Variants in ARID4A observed in about 807,000 individuals in gnomAD.
ARID4A encodes AT-rich interaction domain 4A.
A neutral mutation model predicts 148.6 loss-of-function variants in ARID4A; 39 were observed. That is an observed-to-expected ratio of 0.26 (90% confidence interval 0.20 to 0.34). The LOEUF (loss-of-function observed/expected upper bound fraction) is 0.34. Ranked by LOEUF, ARID4A falls within the 10% of genes least tolerant of loss-of-function variation. The pLI is 1.00. For missense variants in ARID4A, 1,265 were observed against 1,449.1 expected (o/e 0.87, Z 2.06); for synonymous variants, 475 against 481.2 (o/e 0.99, Z 0.17).
chr14:58,347,764 G>A lies in ARID4A; in HGVS notation c.1290G>A (p.Glu430=). 2 of 1,613,656 alleles carry A rather than the reference G, an allele frequency of 1.2e-6. No homozygotes were observed. The highest frequency in any genetic ancestry group is 1.1e-5 in the South Asian group (1 of 91,074). The part of the protein sequence containing the change: ...EKKDLEESME[E]ALKLDQEMPL... ...AAGACTTAGAAGAATCAATGGAAGA[G>A]GCTCTCAAATTAGATCAAGAAATGC... Residue 430 remains glutamate, a synonymous_variant, in exon 15 of 24, where the codon GAG becomes GAA. Coordinates refer to ENST00000355431, the MANE Select transcript of ARID4A (RefSeq NM_002892.4).
At chr14:58,322,606 GTTAA>G (rs2032962854) in intron 7 of ARID4A, among the ~76,000 whole-genome samples, 2 of 152,076 alleles carry the variant, frequency 1.3e-5, no homozygotes, top group African/African-American at 4.8e-5. Context: ...TTTAATAAGA[GTTAA>G]TAGCTCTGCA....
chr14:58,316,565 T>A (rs2032426014), intron 5 of ARID4A, among the ~76,000 whole-genome samples: 1 of 152,064 alleles, frequency 6.6e-6, no homozygotes, highest in South Asian at 2.1e-4. Flanking sequence ...TTAAATATAG[T>A]CAAGTAGTAC....
In ARID4A at chr14:58,328,224, T is replaced by C. The variant is rs752808395; in HGVS notation, c.583-13T>C. 3 of 1,561,890 alleles carry C rather than the reference T, an allele frequency of 1.9e-6. No individual in the cohort carries two copies. Among genetic ancestry groups the C allele is most frequent in the Non-Finnish European group, 2.6e-6 (3 of 1,134,096 alleles). ...GGAAATAGGAATCAATCTGTTCTTA[T>C]TTTATATTTCAGGTAATATCTCCCA... On this transcript the variant is annotated splice_polypyrimidine_tract_variant and intron_variant, in intron 8 of 23. Transcript: ENST00000355431.
intron 5 of ARID4A, among the ~76,000 whole-genome samples, chr14:58,307,700 A>G (rs570552216): frequency 6.6e-6 from 1 of 152,304 alleles, no homozygotes; most frequent in East Asian, 1.9e-4. Flanking sequence ...GGCGTCTGTA[A>G]TCCCAGCTAC....
At chr14:58,357,410 T>C (rs1056820075) in intron 17 of ARID4A, among the ~76,000 whole-genome samples, 1 of 152,176 alleles carries the variant, frequency 6.6e-6, no homozygotes, top group Non-Finnish European at 1.5e-5. Context: ...ATGTCCTTAC[T>C]TTGTACATCT....
chr14:58,343,937 C>T (rs1037075246), intron 11 of ARID4A, among the ~76,000 whole-genome samples: 1 of 151,584 alleles, frequency 6.6e-6, no homozygotes, highest in Non-Finnish European at 1.5e-5. Context: ...TTTTGTTTTT[C>T]TCTAGTAGTG....
At chr14:58,323,369 GCTA>G in intron 7 of ARID4A, 113 bp from the exon 8 acceptor site, 1 of 1,163,676 alleles carries the variant, frequency 8.6e-7, no homozygotes, top group Non-Finnish European at 1.2e-6. Context: ...GAATGGAGAG[GCTA>G]CTACTTTAGG....
intron 12 of ARID4A, among the ~76,000 whole-genome samples, chr14:58,345,824 G>A (rs1438947196): frequency 1.4e-5 from 2 of 143,078 alleles, no homozygotes; most frequent in Non-Finnish European, 3.0e-5. Context: ...TCCACTTCCT[G>A]GGCTTAAGCA....
At chr14:58,321,928 T>C (rs772029095) in intron 7 of ARID4A, among the ~76,000 whole-genome samples, 1 of 150,508 alleles carries the variant, frequency 6.6e-6, no homozygotes, top group Admixed American at 6.7e-5. Context: ...AGATAATGTA[T>C]AGAATTTTCT....
intron 19 of ARID4A, 27 bp from the exon 20 acceptor site, chr14:58,364,143 A>C (rs764053519): frequency 2.4e-5 from 28 of 1,168,428 alleles, no homozygotes; most frequent in Non-Finnish European, 3.1e-5. Flanking sequence ...AAAAACCTGT[A>C]TAATATAATA....
At chr14:58,301,788 GA>G (rs1261830018) in intron 3 of ARID4A, 98 bp downstream of exon 3, 2 of 778,902 alleles carry the variant, frequency 2.6e-6, no homozygotes, top group Non-Finnish European at 4.0e-6. Flanking sequence ...GTCATTATAT[GA>G]AAACCCTTTA....
Position 58,366,220 on chromosome 14 carries a change from C to G in ARID4A, c.3513C>G (p.Ser1171Arg), listed in dbSNP as rs1183921170. ...PNSSPRTYKW[S>R]FQLNELDNMN... ...CATCCCCTAGGACATATAAATGGAG[C>G]TTTCAGCTCAGTAAGAAGCTTATAG... Residue 1171 changes from serine (S) to arginine (R), a missense_variant, in exon 22 of 24, where the codon AGC becomes AGG. Ser to Arg is a moderately radical substitution (Grantham distance 110). Coordinates refer to ENST00000355431, the MANE Select transcript of ARID4A (RefSeq NM_002892.4). 1 of 1,612,056 alleles carries G rather than the reference C, an allele frequency of 6.2e-7. No individual in the cohort carries two copies. Among genetic ancestry groups the G allele is most frequent in the East Asian group, 2.2e-5 (1 of 44,844 alleles).
chr14:58,365,385 G>A, intron 20 of ARID4A, 85 bp downstream of exon 20: 1 of 1,450,266 alleles, frequency 6.9e-7, no homozygotes, highest in Non-Finnish European at 9.2e-7. Context: ...GATCTGTAAA[G>A]TACTTTCTTT....
intron 23 of ARID4A, among the ~76,000 whole-genome samples, chr14:58,368,272 G>A (rs539079130): frequency 1.3e-5 from 2 of 152,186 alleles, no homozygotes; most frequent in African/African-American, 4.8e-5. Context: ...CTGAAAGCTG[G>A]CAGCCAAGCT....
At chr14:58,352,644 C>T (rs1354054244) in intron 16 of ARID4A, among the ~76,000 whole-genome samples, 1 of 151,846 alleles carries the variant, frequency 6.6e-6, no homozygotes, top group Non-Finnish European at 1.5e-5. Flanking sequence ...AGGTGCCTTC[C>T]AAGAGAAAAC....
chr14:58,316,372 C>G (rs1177386064), intron 5 of ARID4A, among the ~76,000 whole-genome samples: 1 of 152,080 alleles, frequency 6.6e-6, no homozygotes, highest in Non-Finnish European at 1.5e-5. Flanking sequence ...TATTCATAAC[C>G]TGGGGCAATG....
chr14:58,301,840 A>C (rs1309323144), intron 3 of ARID4A, 150 bp downstream of exon 3: 61 of 511,016 alleles, frequency 1.2e-4, no homozygotes, highest in Non-Finnish European at 1.0e-5. Flanking sequence ...AAATAAAGAA[A>C]TAAAAAACTC....
chr14:58,356,775 C>T (rs2034885972), intron 17 of ARID4A, among the ~76,000 whole-genome samples: 1 of 149,360 alleles, frequency 6.7e-6, no homozygotes, highest in Admixed American at 6.7e-5. Context: ...GATCTGGGCT[C>T]ACTGCAACCT....
Position 58,301,599 on chromosome 14 carries a change from A to T in ARID4A, c.26A>T (p.Tyr9Phe), listed in dbSNP as rs1018674801. The change falls in exon 3 of 24, where the codon TAC becomes TTC. Residue 9 changes from tyrosine (Y) to phenylalanine (F), a missense_variant. This residue lies in a region of ARID4A where 22 missense variants were observed against 43.8 expected (regional missense o/e 0.50). Transcript: ENST00000355431. MKAADEPA[Y>F]LTVGTDVSAK... ...CACCAGGCGGCAGATGAGCCTGCCT[A>T]CCTGACAGTGGGAACCGATGTCAGT... 1 of 1,613,932 alleles carries T rather than the reference A, an allele frequency of 6.2e-7. No homozygotes were observed. Among genetic ancestry groups the T allele is most frequent in the East Asian group, 2.2e-5 (1 of 44,872 alleles).
Sources: allele counts gnomAD v4.1 joint callset (sites outside exome capture counted in the v4.1 genomes callset), GRCh38; gene constraint gnomAD v4.1.1; regional missense constraint gnomAD v4.1.1; transcripts MANE v1.5; gene names NCBI Gene and HGNC (gene_info 2026-07-23, HGNC 2026-07-21).